ECPAS: variants seen among roughly 807,000 people sequenced by gnomAD.
ECPAS encodes proteasome adapter and scaffold protein ECM29.
A neutral mutation model predicts 255.1 loss-of-function variants in ECPAS; 70 were observed. The observed-to-expected ratio is 0.27, with a 90% confidence interval of 0.23 to 0.33. ECPAS has a LOEUF of 0.33. Among genes scored for constraint, ECPAS ranks in the 10% least tolerant of loss-of-function variants. The pLI, the probability that ECPAS is intolerant of heterozygous loss-of-function variation, is 1.00. For synonymous variants in ECPAS, 784 were observed against 775.0 expected, an observed-to-expected ratio of 1.01 and a Z score of -0.19; for missense variants, 1,817 against 2,206.4, an observed-to-expected ratio of 0.82 and a Z score of 3.54.
chr9:111,412,187 C>T (rs1269091146), intron 20 of ECPAS, 39 bp from the exon 21 acceptor site: 13 of 1,479,306 alleles, frequency 8.8e-6, no homozygotes, highest in Non-Finnish European at 1.2e-5. Flanking sequence ...ATACATGACA[C>T]AGAACCACGT....
intron 17 of ECPAS, among the ~76,000 whole-genome samples, chr9:111,417,256 A>T (rs1243907727): frequency 6.6e-6 from 1 of 152,102 alleles, no homozygotes; most frequent in East Asian, 1.9e-4. Flanking sequence ...AAATAAAAAA[A>T]TTTTAAAAAA....
At chr9:111,375,825 GT>G (rs2098132797) in intron 37 of ECPAS, among the ~76,000 whole-genome samples, 1 of 152,090 alleles carries the variant, frequency 6.6e-6, no homozygotes, top group Non-Finnish European at 1.5e-5. Context: ...GTTTAACATA[GT>G]TTTTTGTACA....
rs182963345 is a variant in ECPAS at position 111,364,188 on chromosome 9, G to A, written c.5309-529C>T. ...CTTGGCATCCACTCTTTGACACGGC[G>A]TCTGGTTCATGGTGAAATTGTCTAC... On this transcript the variant is annotated intron_variant, in intron 48 of 49. Coordinates refer to ENST00000684092, the MANE Select transcript of ECPAS (RefSeq NM_001364929.1). Among the ~76,000 whole-genome samples, 338 of 152,258 alleles carry A rather than the reference G, an allele frequency of 2.2e-3. 4 individuals are homozygous for A. Among genetic ancestry groups the A allele is most frequent in the African/African-American group, 6.4e-3 (264 of 41,564 alleles).
chr9:111,381,971 T>C (rs1276910886), intron 35 of ECPAS, among the ~76,000 whole-genome samples: 1 of 151,788 alleles, frequency 6.6e-6, no homozygotes, highest in Non-Finnish European at 1.5e-5. Context: ...CCTGCACAGA[T>C]CTACAGGCTA....
chr9:111,450,096 G>A (rs1280953154), intron 3 of ECPAS, among the ~76,000 whole-genome samples: 5 of 152,136 alleles, frequency 3.3e-5, no homozygotes, highest in African/African-American at 7.2e-5. Flanking sequence ...TTGCCTGACT[G>A]TTTTATACTG....
chr9:111,481,221 G>A (rs1290900007), intron 1 of ECPAS, among the ~76,000 whole-genome samples: 1 of 152,226 alleles, frequency 6.6e-6, no homozygotes, highest in Non-Finnish European at 1.5e-5. Context: ...TGGGGGCCGG[G>A]CGCGGTGGCT....
intron 23 of ECPAS, among the ~76,000 whole-genome samples, chr9:111,409,118 C>G (rs1230478448): frequency 3.9e-5 from 6 of 152,142 alleles, no homozygotes; most frequent in Non-Finnish European, 7.4e-5. Flanking sequence ...TTAGAAGATT[C>G]AATCAATGCA....
At position 111,362,176 on chromosome 9, in the gene ECPAS, G is replaced by GAAAAAA. The variant is rs3837272; in HGVS notation, c.5381-13_5381-8dup. The GAAAAAA allele has an allele frequency of 2.5e-6, 3 of 1,187,942 alleles. No individual in the cohort carries two copies. The highest frequency in any genetic ancestry group is 1.8e-5 in the South Asian group (1 of 56,956). 73.6% of individuals were successfully genotyped at this position (1,187,942 alleles called of 1,614,324 possible). On this transcript the variant is annotated splice_region_variant and splice_polypyrimidine_tract_variant and intron_variant, in intron 49 of 49. Coordinates refer to ENST00000684092, the MANE Select transcript of ECPAS (RefSeq NM_001364929.1). ...CATTCCCACTGTTTAGATTCTGCATGAAAAAAAAAAAACAAAAACAAAAAA... is the reference window on the plus strand; with the variant it reads ...CATTCCCACTGTTTAGATTCTGCATGAAAAAAAAAAAAAAAAAACAAAAACAAAAAA...
At position 111,406,332 on chromosome 9, in the gene ECPAS, A is replaced by G. The variant is rs1351770088; in HGVS notation, c.2652+2239T>C. ...AAAACTGATCTCATGGAAGTAGTGA[A>G]CAAATGGTGGTTACCAGAGGCCAGG... On this transcript the variant is annotated intron_variant, in intron 24 of 49. Coordinates refer to ENST00000684092, the MANE Select transcript of ECPAS (RefSeq NM_001364929.1). Among the ~76,000 whole-genome samples, 7 of 149,768 alleles carry G rather than the reference A, an allele frequency of 4.7e-5. 1 individual carries two copies. The highest frequency in any genetic ancestry group is 1.8e-4 in the African/African-American group (7 of 39,458).
chr9:111,470,418 C>A (rs543235538), intron 2 of ECPAS, among the ~76,000 whole-genome samples: 1 of 151,936 alleles, frequency 6.6e-6, no homozygotes, highest in East Asian at 1.9e-4. Flanking sequence ...TCAAGTGACT[C>A]TCCTGCCTCA....
intron 16 of ECPAS, among the ~76,000 whole-genome samples, chr9:111,419,083 G>A (rs550918635): frequency 1.3e-5 from 2 of 151,978 alleles, no homozygotes; most frequent in East Asian, 3.9e-4. Flanking sequence ...TGGCATGAGG[G>A]GCACACAGCT....
intron 42 of ECPAS, 50 bp from the exon 43 acceptor site, chr9:111,371,879 G>A: frequency 6.7e-7 from 1 of 1,483,990 alleles, no homozygotes; most frequent in Non-Finnish European, 9.3e-7. Context: ...AAAATTAACT[G>A]ATTTTTCTAA....
chr9:111,371,903 T>C, intron 42 of ECPAS, 74 bp from the exon 43 acceptor site: 1 of 1,225,498 alleles, frequency 8.2e-7, no homozygotes, highest in South Asian at 1.3e-5. Flanking sequence ...TGAAAAAAAG[T>C]CAGTGACCAA....
At chr9:111,474,240 TTCTC>T (rs1341334528) in intron 1 of ECPAS, among the ~76,000 whole-genome samples, 1 of 152,144 alleles carries the variant, frequency 6.6e-6, no homozygotes, top group African/African-American at 2.4e-5. Flanking sequence ...GTTGAATCTG[TTCTC>T]TCTTTCCTTC....
At chr9:111,466,648 C>CACACAT (rs1256471641) in intron 2 of ECPAS, among the ~76,000 whole-genome samples, 2 of 151,606 alleles carry the variant, frequency 1.3e-5, no homozygotes, top group African/African-American at 4.9e-5. Flanking sequence ...CACACACACA[C>CACACAT]ACACACACGT....
chr9:111,386,050 C>A (rs376775974), intron 32 of ECPAS, among the ~76,000 whole-genome samples: 62 of 152,178 alleles, frequency 4.1e-4, no homozygotes, highest in African/African-American at 1.4e-3. Flanking sequence ...ACCTCTGCCC[C>A]CTGGCTGGGT....
chr9:111,395,169 T>A (rs1461955802), intron 25 of ECPAS, among the ~76,000 whole-genome samples: 1 of 152,216 alleles, frequency 6.6e-6, no homozygotes, highest in African/African-American at 2.4e-5. Context: ...ATCCCTTCTT[T>A]TAATTCCTGT....
In ECPAS at chr9:111,397,116, G is replaced by T; in HGVS notation, c.2690C>A (p.Ala897Asp). 6.2e-7 allele frequency: 1 copy of T among 1,613,912 alleles called. No homozygotes were observed. The change falls in exon 25 of 50, where the codon GCC (alanine) becomes GAC (aspartate). Residue 897 changes from alanine (A) to aspartate (D), a missense_variant. By Grantham distance (126) the Ala-to-Asp change is moderately radical. Transcript: ENST00000684092. Reference protein sequence around the residue: ...QIELQFTIGEAITSAAIGTSS... With the variant: ...QIELQFTIGEDITSAAIGTSS... ...AGTTCCTATTGCAGCACTGGTAATGGCTTCGCCAATAGTGAACTGAAGTTC... is the reference window on the plus strand; with the variant it reads ...AGTTCCTATTGCAGCACTGGTAATGTCTTCGCCAATAGTGAACTGAAGTTC...
intron 37 of ECPAS, among the ~76,000 whole-genome samples, 155 bp from the exon 38 acceptor site, chr9:111,375,357 C>T (rs374888570): frequency 6.6e-6 from 1 of 152,102 alleles, no homozygotes; most frequent in Non-Finnish European, 1.5e-5. Flanking sequence ...AATATTAAAA[C>T]CACTATTGTA....
Sources: allele counts gnomAD v4.1 joint callset (sites outside exome capture counted in the v4.1 genomes callset), GRCh38; gene constraint gnomAD v4.1.1; transcripts MANE v1.5; gene names NCBI Gene and HGNC (gene_info 2026-07-23, HGNC 2026-07-21).